NR2C2: variants seen among roughly 807,000 people sequenced by gnomAD.
NR2C2 encodes nuclear receptor subfamily 2 group C member 2, also known as Nuclear hormone receptor TR4.
NR2C2 carries 6 observed loss-of-function variants against 62.9 expected under a neutral mutation model. The ratio of observed to expected loss-of-function variants is 0.10; its 90% CI spans 0.05 to 0.19. NR2C2 has a LOEUF of 0.19. Among genes scored for constraint, NR2C2 ranks in the 10% least tolerant of loss-of-function variants. NR2C2 has a pLI of 1.00. For synonymous variants in NR2C2, 272 were observed against 273.8 expected, an observed-to-expected ratio of 0.99 and a Z score of 0.07; for missense variants, 479 against 762.7, an observed-to-expected ratio of 0.63 and a Z score of 4.38.
At chr3:15,010,268 A>AT (rs140915318) in intron 2 of NR2C2, among the ~76,000 whole-genome samples, 2,383 of 150,162 alleles carry the variant, frequency 0.016, 24 homozygotes, top group Non-Finnish European at 0.026. Context: ...TATTTGGGAG[A>AT]TTTTTTTTTC....
chr3:15,035,431 A>T (rs2042080658), intron 11 of NR2C2, among the ~76,000 whole-genome samples: 1 of 152,260 alleles, frequency 6.6e-6, no homozygotes, highest in Admixed American at 6.5e-5. Context: ...TTTCAGAATA[A>T]TCACAGCTGA....
At chr3:14,988,719 C>CT (rs916437103) in intron 1 of NR2C2, among the ~76,000 whole-genome samples, 10 of 152,050 alleles carry the variant, frequency 6.6e-5, no homozygotes, top group Non-Finnish European at 1.3e-4. Flanking sequence ...ATCATCATCT[C>CT]TTTTTTTTCC....
At chr3:15,004,815 A>G (rs1187167009) in intron 2 of NR2C2, among the ~76,000 whole-genome samples, 5 of 152,098 alleles carry the variant, frequency 3.3e-5, no homozygotes, top group Admixed American at 6.6e-5. Flanking sequence ...TTATATTGTT[A>G]TGTCTTTTTG....
intron 1 of NR2C2, among the ~76,000 whole-genome samples, chr3:14,951,957 A>G (rs2039375968): frequency 6.6e-6 from 1 of 152,216 alleles, no homozygotes; most frequent in Admixed American, 6.5e-5. Context: ...CATGTTAGCC[A>G]GGATGGTCTC....
At position 15,003,316 on chromosome 3, in the gene NR2C2, C is replaced by T. The variant is rs151002380; in HGVS notation, c.-39-560C>T. On this transcript the variant is annotated intron_variant, in intron 1 of 13. Transcript: ENST00000425241. The stretch of plus-strand genomic sequence containing the variant: ...CAGATACCCAGGTGACCACTCAGCA[C>T]CTTGTACCTTGCCTTTGGGATAGGT... Among the ~76,000 whole-genome samples, 68 of 152,222 alleles carry T rather than the reference C, an allele frequency of 4.5e-4. 1 individual carries two copies. The highest frequency in any genetic ancestry group is 1.5e-3 in the African/African-American group (64 of 41,552).
At position 15,045,756 on chromosome 3, in the gene NR2C2, G is replaced by A. The variant is rs1160999630; in HGVS notation, c.*2748G>A. ...ACAGGGCTTATAGCCCTTATTAGCA[G>A]TTTGTGAAACTTTGGGTTTCATGAA... On this transcript the variant is annotated 3_prime_UTR_variant, in exon 14 of 14. Transcript: ENST00000425241. The A allele has an allele frequency of 6.6e-6, 1 of 152,656 alleles. No individual in the cohort carries two copies. Among genetic ancestry groups the A allele is most frequent in the African/African-American group, 2.4e-5 (1 of 41,466 alleles). The allele number at this position is 152,656 out of a possible 1,614,324, so 9.5% of individuals were successfully genotyped here. A position where few individuals can be genotyped will look rare whatever the true frequency, so the allele number is the denominator to read the frequency against.
intron 11 of NR2C2, among the ~76,000 whole-genome samples, chr3:15,035,454 C>A (rs2042081079): frequency 6.6e-6 from 1 of 152,244 alleles, no homozygotes; most frequent in Admixed American, 6.5e-5. Flanking sequence ...TTTTCATCTT[C>A]ATTGACAGGT....
chr3:15,008,695 C>G (rs181440620), intron 2 of NR2C2, among the ~76,000 whole-genome samples: 1 of 152,148 alleles, frequency 6.6e-6, no homozygotes, highest in Non-Finnish European at 1.5e-5. Flanking sequence ...ATTCCAGGGT[C>G]CTTTGGGATT....
chr3:15,039,098 G>GT (rs1559311551), intron 12 of NR2C2, 24 bp from the exon 13 acceptor site: 14 of 1,558,406 alleles, frequency 9.0e-6, no homozygotes, highest in Non-Finnish European at 1.2e-5. Flanking sequence ...AGGGAACTGG[G>GT]GGGGGGTACT....
At chr3:15,041,807 T>G (rs934288351) in intron 13 of NR2C2, among the ~76,000 whole-genome samples, 9 of 152,108 alleles carry the variant, frequency 5.9e-5, no homozygotes, top group Non-Finnish European at 1.3e-4. Context: ...CAGTGAGCTG[T>G]GATCACATCA....
intron 1 of NR2C2, among the ~76,000 whole-genome samples, chr3:14,980,011 C>G (rs1438454312): frequency 6.6e-6 from 1 of 152,044 alleles, no homozygotes; most frequent in African/African-American, 2.4e-5. Flanking sequence ...GGGTTGCTCC[C>G]TATTTTAAAA....
intron 1 of NR2C2, among the ~76,000 whole-genome samples, chr3:14,998,082 G>A (rs2040882940): frequency 6.6e-6 from 1 of 152,166 alleles, no homozygotes; most frequent in African/African-American, 2.4e-5. Flanking sequence ...CTTCCATGTT[G>A]TAGCATGTAT....
chr3:14,984,287 C>T (rs1368507762), intron 1 of NR2C2, among the ~76,000 whole-genome samples: 1 of 152,146 alleles, frequency 6.6e-6, no homozygotes, highest in Non-Finnish European at 1.5e-5. Context: ...GTCATTTTCA[C>T]CAGAGTTGTT....
intron 1 of NR2C2, among the ~76,000 whole-genome samples, chr3:14,995,156 G>A (rs1201321104): frequency 2.0e-5 from 3 of 150,344 alleles, no homozygotes; most frequent in Non-Finnish European, 4.4e-5. Context: ...ACGCCATCAC[G>A]CCTGGCTAGT....
chr3:14,947,679 C>G lies in NR2C2; in HGVS notation c.-267C>G, dbSNP rs1365849145. The G allele has an allele frequency of 6.7e-6, 1 of 150,018 alleles. No individual in the cohort carries two copies. Among genetic ancestry groups the G allele is most frequent in the Non-Finnish European group, 1.5e-5 (1 of 67,134 alleles). 9.3% of individuals were successfully genotyped at this position (150,018 alleles called of 1,614,324 possible). A position where few individuals can be genotyped will look rare whatever the true frequency, so the allele number is the denominator to read the frequency against. Reference sequence around the variant, plus strand: ...TTCACTGACAAAAACAATAACAAACCCCCCCTTCTCCGCGACCCCGGCGGC... The same window carrying G: ...TTCACTGACAAAAACAATAACAAACGCCCCCTTCTCCGCGACCCCGGCGGC... On this transcript the variant is annotated 5_prime_UTR_variant, in exon 1 of 14. Coordinates refer to ENST00000425241, the MANE Select transcript of NR2C2 (RefSeq NM_001291694.2).
intron 1 of NR2C2, chr3:14,948,601 C>A (rs992029509): frequency 1.3e-4 from 1 of 7,452 alleles, no homozygotes; most frequent in Non-Finnish European, 2.9e-4. Flanking sequence ...GGGGCGGGGC[C>A]GGGGGCGGGG....
At chr3:14,984,649 C>T (rs765313593) in intron 1 of NR2C2, among the ~76,000 whole-genome samples, 12 of 152,130 alleles carry the variant, frequency 7.9e-5, no homozygotes, top group African/African-American at 1.7e-4. Flanking sequence ...TTCCTTTTTA[C>T]GTTGTATCCA....
At chr3:15,026,481 T>A (rs905868992) in intron 7 of NR2C2, 4 of 152,216 alleles carry the variant, frequency 2.6e-5, no homozygotes, top group Admixed American at 1.3e-4. Flanking sequence ...AACCCTATTA[T>A]GTAGTCACTC....
intron 1 of NR2C2, among the ~76,000 whole-genome samples, chr3:14,952,937 G>A (rs2039412148): frequency 6.6e-6 from 1 of 152,190 alleles, no homozygotes; most frequent in East Asian, 1.9e-4. Flanking sequence ...CAACAATGAT[G>A]AGGAGTGGGA....
Sources: gnomAD v4.1 joint callset for allele counts (sites outside exome capture counted in the v4.1 genomes callset) on GRCh38, gnomAD v4.1.1 for gene constraint, MANE v1.5 for transcripts, NCBI Gene and HGNC (gene_info 2026-07-23, HGNC 2026-07-21) for gene names.